The following INSR variants were observed in gnomAD, a reference collection of about 807,000 sequenced individuals.
The protein encoded by INSR is IR.
A neutral mutation model predicts 142.6 loss-of-function variants in INSR; 67 were observed. The ratio of observed to expected loss-of-function variants is 0.47; its 90% CI spans 0.39 to 0.58. The LOEUF (loss-of-function observed/expected upper bound fraction) is 0.58. Ranked by LOEUF, INSR falls within the 20% of genes least tolerant of loss-of-function variation. The pLI is 0.00. For missense variants in INSR, 1,248 were observed against 1,833.2 expected (o/e 0.68, Z 5.83); for synonymous variants, 756 against 743.1 (o/e 1.02, Z -0.28).
rs13306447 is a variant in INSR at position 7,119,680 on chromosome 19, G to A, written c.3660-97C>T. The A allele has an allele frequency of 2.4e-3, 3,142 of 1,329,686 alleles. 31 individuals are homozygous for A. The East Asian group carries it at 0.032, about 14-fold the overall frequency. The allele number at this position is 1,329,686 out of a possible 1,614,324, so 82.4% of individuals were successfully genotyped here. ...CACACACGCAAACGCACACACACAC[G>A]CAAACACACATGCCAACACATACAT... is the stretch of plus-strand genomic sequence containing the variant. On this transcript the variant is annotated intron_variant, in intron 20 of 21. Transcript: ENST00000302850. This position sits in a 1 kb window ranked among gnomAD's most constrained non-coding sequence, Gnocchi z 5.2.
intron 21 of INSR, among the ~76,000 whole-genome samples, chr19:7,118,750 C>CAAA (rs35928600): frequency 0.07 from 9,013 of 129,128 alleles, 476 homozygotes; most frequent in Non-Finnish European, 0.1. Flanking sequence ...ACTAAAAATA[C>CAAA]AAAAAAAAAA....
intron 11 of INSR, among the ~76,000 whole-genome samples, chr19:7,143,702 T>A (rs947779412): frequency 1.3e-5 from 2 of 152,136 alleles, no homozygotes; most frequent in Non-Finnish European, 2.9e-5. Flanking sequence ...TAAGAAGACA[T>A]ATTAAACAAC....
At chr19:7,191,094 C>T (rs1049186953) in intron 2 of INSR, among the ~76,000 whole-genome samples, 2 of 152,094 alleles carry the variant, frequency 1.3e-5, no homozygotes, top group East Asian at 1.9e-4. Flanking sequence ...GTCAGGAGTT[C>T]GAGACCAGCC....
chr19:7,182,573 T>C (rs900153840), intron 3 of INSR, among the ~76,000 whole-genome samples: 2 of 152,124 alleles, frequency 1.3e-5, no homozygotes, highest in Admixed American at 1.3e-4. Flanking sequence ...TTTTTAAACC[T>C]ACGCAATAAA....
intron 1 of INSR, chr19:7,268,361 TC>T: frequency 1.1e-6 from 1 of 902,380 alleles, no homozygotes; most frequent in Non-Finnish European, 1.3e-6. Context: ...TGGCTGACTT[TC>T]CTTCCCGGAC....
intron 2 of INSR, among the ~76,000 whole-genome samples, chr19:7,240,053 A>C (rs1431856489): frequency 6.6e-6 from 1 of 152,186 alleles, no homozygotes; most frequent in South Asian, 2.1e-4. Context: ...GATCCATTAC[A>C]GCAGGACCAG....
chr19:7,282,752 C>T (rs915180657), intron 1 of INSR, among the ~76,000 whole-genome samples: 1 of 151,290 alleles, frequency 6.6e-6, no homozygotes, highest in African/African-American at 2.4e-5. Context: ...TTTGGGAGGC[C>T]GAGGTGGGGG....
At chr19:7,160,647 A>G (rs1182991361) in intron 9 of INSR, among the ~76,000 whole-genome samples, 1 of 151,772 alleles carries the variant, frequency 6.6e-6, no homozygotes, top group Non-Finnish European at 1.5e-5. Flanking sequence ...GAAAAAGAAA[A>G]AGAAAAAAGT....
Position 7,152,877 on chromosome 19 carries a change from A to T in INSR, c.2080T>A (p.Ser694Thr). The T allele has an allele frequency of 6.2e-7, 1 of 1,613,088 alleles. No homozygotes were observed. The highest frequency in any genetic ancestry group is 8.5e-7 in the Non-Finnish European group (1 of 1,179,892). Residue 694 changes from serine (S) to threonine (T), a missense_variant, in exon 10 of 22, where the codon TCT (serine) becomes ACT (threonine). Ser to Thr is a moderately conservative substitution (Grantham distance 58, BLOSUM62 1). Transcript: ENST00000302850. ...TACTCACTCTGGTTGTGCTTCTGAGAATCTTCAGACTCGAATGGTGGAGAC... is the reference window on the plus strand; with the variant it reads ...TACTCACTCTGGTTGTGCTTCTGAGTATCTTCAGACTCGAATGGTGGAGAC... ...TWSPPFESED[S>T]QKHNQSEYED...
At chr19:7,128,038 A>G (rs1381889910) in intron 15 of INSR, among the ~76,000 whole-genome samples, 1 of 151,992 alleles carries the variant, frequency 6.6e-6, no homozygotes, top group Non-Finnish European at 1.5e-5. Flanking sequence ...CACCGTGCCC[A>G]GCTGAGAAAA....
In INSR at chr19:7,174,645, G is replaced by A. The variant is rs776644773; in HGVS notation, c.1061C>T (p.Ala354Val). ...GACGGTGCATCCTCGGAGCTCCTGGGCAGACGTCACCGAGTCGATGGTCTT... is the reference window on the plus strand; with the variant it reads ...GACGGTGCATCCTCGGAGCTCCTGGACAGACGTCACCGAGTCGATGGTCTT... ...GEKTIDSVTSAQELRGCTVIN... is the reference protein window; with the variant it reads ...GEKTIDSVTSVQELRGCTVIN... Residue 354 changes from alanine (A) to valine (V), a missense_variant, in exon 4 of 22, where the codon GCC (alanine) becomes GTC (valine). This residue lies in a region of INSR where 1,069 missense variants were observed against 1,654.0 expected (regional missense o/e 0.65). Coordinates refer to ENST00000302850, the MANE Select transcript of INSR (RefSeq NM_000208.4). 1 of 1,614,020 alleles carries A rather than the reference G, an allele frequency of 6.2e-7. No homozygotes were observed. Among genetic ancestry groups the A allele is most frequent in the South Asian group, 1.1e-5 (1 of 91,056 alleles).
intron 9 of INSR, among the ~76,000 whole-genome samples, chr19:7,155,079 T>C (rs895930400): frequency 5.3e-5 from 8 of 152,036 alleles, no homozygotes; most frequent in Non-Finnish European, 1.0e-4. Flanking sequence ...ACAGTGGGTG[T>C]CTGCGGGTGC....
Position 7,118,559 on chromosome 19 carries a change from C to T in INSR, c.3794+890G>A, listed in dbSNP as rs1047001444. Among the ~76,000 whole-genome samples the T allele has an allele frequency of 4.6e-5, 7 of 151,910 alleles. No homozygotes were observed. In the East Asian group the frequency reaches 1.2e-3, roughly 25 times the overall value. The stretch of plus-strand genomic sequence containing the variant: ...TCTTGAACTCCTGACCTTAGGTGAT[C>T]GTTCACCTCGGTCTCCCAAATTGCT... On this transcript the variant is annotated intron_variant, in intron 21 of 21. Transcript: ENST00000302850.
In INSR at chr19:7,163,020, G is replaced by T; in HGVS notation, c.2029+12C>A. Reference sequence around the variant, plus strand: ...AAACCCCACCGATCCTAGCACAGCTGCCTGCACTCACCTTTGAGGCAATAA... The same window carrying T: ...AAACCCCACCGATCCTAGCACAGCTTCCTGCACTCACCTTTGAGGCAATAA... On this transcript the variant is annotated intron_variant, in intron 9 of 21. Transcript: ENST00000302850. The T allele has an allele frequency of 1.2e-6, 2 of 1,612,838 alleles. No homozygotes were observed. Among genetic ancestry groups the T allele is most frequent in the Non-Finnish European group, 1.7e-6 (2 of 1,179,862 alleles).
In INSR at chr19:7,225,955, G is replaced by A. The variant is rs563947479; in HGVS notation, c.653-41318C>T. ...AGAGAACAATCCAGCCCCAGTATCC[G>A]CAGGCCCCAGGTGGAGAAACCCCGT... On this transcript the variant is annotated intron_variant, in intron 2 of 21. Transcript: ENST00000302850. This position sits in a 1 kb window ranked among gnomAD's most constrained non-coding sequence, Gnocchi z 4.7. Among the ~76,000 whole-genome samples the A allele has an allele frequency of 5.3e-4, 80 of 152,222 alleles. 3 individuals are homozygous for A. In the South Asian group the frequency reaches 0.016, roughly 31 times the overall value.
At chr19:7,180,820 G>A (rs539536593) in intron 3 of INSR, among the ~76,000 whole-genome samples, 71 of 152,270 alleles carry the variant, frequency 4.7e-4, no homozygotes, top group Non-Finnish European at 8.5e-4. Flanking sequence ...AGGGGGCACC[G>A]GAATGAAATG....
intron 9 of INSR, among the ~76,000 whole-genome samples, chr19:7,155,747 T>C (rs1329457425): frequency 6.6e-6 from 1 of 151,424 alleles, no homozygotes; most frequent in Non-Finnish European, 1.5e-5. Flanking sequence ...ACTCCGTCTC[T>C]ACCAAAAAAT....
chr19:7,152,700 AAGAG>A, intron 10 of INSR, 22 bp downstream of exon 10: 1 of 1,593,356 alleles, frequency 6.3e-7, no homozygotes, highest in Non-Finnish European at 8.6e-7. Context: ...GGCACCCACT[AAGAG>A]AGCCCAGCGC....
chr19:7,174,837 CTTT>C (rs1235535276), intron 3 of INSR, 106 bp from the exon 4 acceptor site: 3 of 1,178,110 alleles, frequency 2.5e-6, no homozygotes, highest in African/African-American at 1.5e-5. Context: ...TATGGTATTT[CTTT>C]GTGTGTGTGT....
Sources: gnomAD v4.1 joint callset for allele counts (sites outside exome capture counted in the v4.1 genomes callset) on GRCh38, gnomAD v4.1.1 for gene constraint, gnomAD v4.1.1 regional missense constraint, Gnocchi (gnomAD v3.1) non-coding constraint, MANE v1.5 for transcripts, NCBI Gene and HGNC (gene_info 2026-07-23, HGNC 2026-07-21) for gene names.